DOCK1: variants seen among roughly 807,000 people sequenced by gnomAD.
DOCK1 encodes the protein dedicator of cytokinesis 1.
A neutral mutation model predicts 262.7 loss-of-function variants in DOCK1; 138 were observed. The ratio of observed to expected loss-of-function variants is 0.53; its 90% confidence interval spans 0.46 to 0.61. The LOEUF is 0.61. Among genes scored for constraint, DOCK1 ranks in the 20% least tolerant of loss-of-function variants. The probability of loss-of-function intolerance (pLI) is 0.00; values close to 1 mark genes in which losing one functional copy is unlikely to be tolerated. For synonymous variants in DOCK1, 866 were observed against 867.4 expected (o/e 1.00, Z 0.03); for missense variants, 1,908 against 2,370.7 (o/e 0.80, Z 4.05).
chr10:127,375,573 G>A (rs145688267), intron 35 of DOCK1, among the ~76,000 whole-genome samples: 24 of 152,296 alleles, frequency 1.6e-4, no homozygotes, highest in African/African-American at 5.5e-4. Context: ...GAGTTGTGTG[G>A]ATTAAAAAGA....
At chr10:127,119,079 T>C (rs939317892) in intron 25 of DOCK1, among the ~76,000 whole-genome samples, 2 of 149,798 alleles carry the variant, frequency 1.3e-5, no homozygotes, top group African/African-American at 5.0e-5. Context: ...AGTCTCGCTC[T>C]GTCACCCAGG....
chr10:127,024,593 G>A, intron 14 of DOCK1, 92 bp from the exon 15 acceptor site: 1 of 1,067,718 alleles, frequency 9.4e-7, no homozygotes. Context: ...TGTTCTTGGA[G>A]CGTACCTGTC....
At chr10:127,007,902 T>A (rs551617209) in intron 10 of DOCK1, among the ~76,000 whole-genome samples, 140 of 152,288 alleles carry the variant, frequency 9.2e-4, no homozygotes, top group Non-Finnish European at 1.7e-3. Context: ...CGTCCACAGA[T>A]ACCAGCATGT....
At chr10:127,409,414 C>G in intron 42 of DOCK1, 23 bp downstream of exon 42, 2 of 1,610,982 alleles carry the variant, frequency 1.2e-6, no homozygotes. Flanking sequence ...TTTTTCTTAC[C>G]CAACGTGAGG....
intron 43 of DOCK1, among the ~76,000 whole-genome samples, chr10:127,411,189 C>T (rs914885918): frequency 1.3e-5 from 2 of 152,136 alleles, no homozygotes; most frequent in Non-Finnish European, 2.9e-5. Context: ...ATATGAGTAG[C>T]GCACTGCCTT....
chr10:127,319,305 G>A (rs1408582865), intron 29 of DOCK1, among the ~76,000 whole-genome samples: 1 of 152,182 alleles, frequency 6.6e-6, no homozygotes, highest in Admixed American at 6.5e-5. Flanking sequence ...TAATTGGATT[G>A]TGTAGCATAA....
chr10:127,169,789 C>A (rs1384458243), intron 27 of DOCK1, among the ~76,000 whole-genome samples: 2 of 152,286 alleles, frequency 1.3e-5, no homozygotes, highest in African/African-American at 2.4e-5. Flanking sequence ...TAAGTCCTTA[C>A]CTCTTAAGTA....
At chr10:127,295,173 T>G (rs910837391) in intron 29 of DOCK1, among the ~76,000 whole-genome samples, 1 of 152,180 alleles carries the variant, frequency 6.6e-6, no homozygotes, top group Non-Finnish European at 1.5e-5. Context: ...GGCCCATAGT[T>G]CTGCAGGCTG....
chr10:127,205,366 C>G (rs2057667836), intron 27 of DOCK1, among the ~76,000 whole-genome samples: 1 of 152,220 alleles, frequency 6.6e-6, no homozygotes. Context: ...CTGGTTCATC[C>G]TCTGGGTCTC....
At chr10:127,296,705 G>C (rs1171739210) in intron 29 of DOCK1, among the ~76,000 whole-genome samples, 2 of 152,194 alleles carry the variant, frequency 1.3e-5, no homozygotes, top group Non-Finnish European at 2.9e-5. Context: ...GCTGATTCCA[G>C]GACAATGGGA....
intron 1 of DOCK1, among the ~76,000 whole-genome samples, chr10:126,915,265 G>A (rs1351653937): frequency 6.6e-6 from 1 of 152,188 alleles, no homozygotes; most frequent in Non-Finnish European, 1.5e-5. Flanking sequence ...CAGAACAGAT[G>A]TTCATGTCCC....
chr10:127,032,639 GTCC>G (rs1236546766), intron 18 of DOCK1, among the ~76,000 whole-genome samples: 1 of 151,408 alleles, frequency 6.6e-6, no homozygotes, highest in Non-Finnish European at 1.5e-5. Context: ...CTCCAGCCTT[GTCC>G]TCCTAGGCTC....
intron 23 of DOCK1, among the ~76,000 whole-genome samples, chr10:127,101,767 A>G (rs2048265867): frequency 1.3e-5 from 2 of 152,200 alleles, no homozygotes; most frequent in African/African-American, 4.8e-5. Flanking sequence ...GTGAAATGGT[A>G]TTTATGAACT....
At chr10:127,028,950 G>A (rs2043059549) in intron 16 of DOCK1, among the ~76,000 whole-genome samples, 2 of 152,166 alleles carry the variant, frequency 1.3e-5, no homozygotes, top group Admixed American at 6.5e-5. Flanking sequence ...TTAAGAACGG[G>A]GTTCTGGAAT....
chr10:127,261,487 A>G (rs1259451389), intron 29 of DOCK1, among the ~76,000 whole-genome samples: 1 of 106,114 alleles, frequency 9.4e-6, no homozygotes, highest in Non-Finnish European at 1.8e-5. Context: ...ACCCGTGCTC[A>G]TCTGTGTGTG....
intron 16 of DOCK1, among the ~76,000 whole-genome samples, chr10:127,030,259 G>C (rs4751425): frequency 0.17 from 26,204 of 152,134 alleles, 2,420 homozygotes; most frequent in South Asian, 0.32. Flanking sequence ...TTCCAGCTCT[G>C]GTCCTCTGTT....
At chr10:127,214,763 C>T (rs186588163) in intron 27 of DOCK1, among the ~76,000 whole-genome samples, 1 of 152,172 alleles carries the variant, frequency 6.6e-6, no homozygotes, top group Non-Finnish European at 1.5e-5. Flanking sequence ...AAACAGAGGC[C>T]CCCAGTGTTT....
chr10:127,260,181 C>G (rs1364972379), intron 29 of DOCK1, among the ~76,000 whole-genome samples: 1 of 152,224 alleles, frequency 6.6e-6, no homozygotes, highest in African/African-American at 2.4e-5. Context: ...CGCGCTGCAG[C>G]AGCAGGTTGG....
At chr10:127,403,799 G>T (rs1382425983) in intron 39 of DOCK1, among the ~76,000 whole-genome samples, 2 of 152,160 alleles carry the variant, frequency 1.3e-5, no homozygotes, top group Admixed American at 1.3e-4. Flanking sequence ...AGAGAGGGAT[G>T]GATAGATAAT....
Sources: gnomAD v4.1 joint callset for allele counts (sites outside exome capture counted in the v4.1 genomes callset) on GRCh38, gnomAD v4.1.1 for gene constraint, MANE v1.5 for transcripts, NCBI Gene and HGNC (gene_info 2026-07-23, HGNC 2026-07-21) for gene names.